EPN1: variants seen among roughly 807,000 people sequenced by gnomAD.
EPN1 encodes epsin-1.
Under a neutral mutation model 56.9 loss-of-function variants are expected in EPN1, and 25 were observed. The ratio of observed to expected loss-of-function variants is 0.44; its 90% CI spans 0.32 to 0.61. The LOEUF is 0.61. EPN1 is among the 20% of genes least tolerant of loss of function. EPN1 has a pLI of 0.05. For missense variants in EPN1, 785 were observed against 823.7 expected (o/e 0.95, Z 0.58); for synonymous variants, 411 against 361.8 (o/e 1.14, Z -1.54).
chr19:55,678,190 A>T (rs770050835), intron 1 of EPN1, among the ~76,000 whole-genome samples: 6 of 152,150 alleles, frequency 3.9e-5, no homozygotes, highest in Non-Finnish European at 8.8e-5. Context: ...ACAGGGCGTC[A>T]GTTCTCTAGA....
rs1468882651 is a variant in EPN1 at position 55,691,681 on chromosome 19, G to A, written c.763-73G>A. The A allele has an allele frequency of 2.4e-5, 34 of 1,430,130 alleles. No individual in the cohort carries two copies. Among genetic ancestry groups the A allele is most frequent in the South Asian group, 4.9e-5 (4 of 81,168 alleles). 88.6% of individuals were successfully genotyped at this position (1,430,130 alleles called of 1,614,324 possible). A position where few individuals can be genotyped will look rare whatever the true frequency, so the allele number is the denominator to read the frequency against. On this transcript the variant is annotated intron_variant, in intron 6 of 10. Transcript: ENST00000270460. This position sits in a 1 kb window ranked among gnomAD's most constrained non-coding sequence, Gnocchi z 5.6. ...AGGGCCTGGCCGCCTCCCCCGCCACGGGCCCCAGCTTGGTCCCTGTCCCAG... is the reference window on the plus strand; with the variant it reads ...AGGGCCTGGCCGCCTCCCCCGCCACAGGCCCCAGCTTGGTCCCTGTCCCAG...
intron 2 of EPN1, among the ~76,000 whole-genome samples, chr19:55,683,350 C>G (rs998125986): frequency 2.0e-5 from 3 of 152,028 alleles, no homozygotes; most frequent in Non-Finnish European, 1.5e-5. Flanking sequence ...CCACCATGCC[C>G]GGCCTTATTT....
chr19:55,703,256 C>A lies in EPN1; in HGVS notation c.*7900C>A, dbSNP rs1987235132. 1 of 152,074 alleles carries A rather than the reference C, an allele frequency of 6.6e-6. No homozygotes were observed. Among genetic ancestry groups the A allele is most frequent in the Admixed American group, 6.6e-5 (1 of 15,230 alleles). The allele number at this position is 152,074 out of a possible 1,614,324, so 9.4% of individuals were successfully genotyped here. ...TCCGGAGGGGCCTAAGTGGGAAGTGCCCTCAACCAAGGAGATAGCTGCTGT... is the reference window on the plus strand; with the variant it reads ...TCCGGAGGGGCCTAAGTGGGAAGTGACCTCAACCAAGGAGATAGCTGCTGT... On this transcript the variant is annotated 3_prime_UTR_variant, in exon 11 of 11. Coordinates refer to ENST00000270460, the MANE Select transcript of EPN1 (RefSeq NM_001130072.2).
Position 55,682,338 on chromosome 19 carries a change from G to A in EPN1, c.229-3058G>A, listed in dbSNP as rs1168515269. ...TGTTCTTGAGCTTTATATATGTGGA[G>A]TCACACGCGTGGTCTTTTGTGTCTG... On this transcript the variant is annotated intron_variant, in intron 2 of 10. Coordinates refer to ENST00000270460, the MANE Select transcript of EPN1 (RefSeq NM_001130072.2). Among the ~76,000 whole-genome samples, 3 of 152,316 alleles carry A rather than the reference G, an allele frequency of 2.0e-5. No homozygotes were observed. The East Asian group carries it at 5.8e-4, about 29-fold the overall frequency.
rs904999833 is a variant in EPN1 at position 55,691,418 on chromosome 19, C to T, written c.763-336C>T. On this transcript the variant is annotated intron_variant, in intron 6 of 10. Transcript: ENST00000270460. The surrounding 1 kb of genome is among the most constrained non-coding windows in gnomAD (Gnocchi z 5.6). ...GAGGGGAGGGCTTGGCCTCCATCCT[C>T]AGTCAGGGCCGGGCAAGGACCTGGG... Among the ~76,000 whole-genome samples the T allele has an allele frequency of 1.3e-5, 2 of 151,792 alleles. No homozygotes were observed. The highest frequency in any genetic ancestry group is 2.9e-5 in the Non-Finnish European group (2 of 67,934).
rs867938515 is a variant in EPN1 at position 55,694,436 on chromosome 19, G to A, written c.1265-290G>A. 1.7e-4 allele frequency: 63 copies of A among 369,706 alleles called. No homozygotes were observed. The Middle Eastern group carries it at 9.0e-3, about 53-fold the overall frequency. 22.9% of individuals were successfully genotyped at this position (369,706 alleles called of 1,614,324 possible). A position where few individuals can be genotyped will look rare whatever the true frequency, so the allele number is the denominator to read the frequency against. ...CCCCGCGGGCCTATAGACCCTGGAC[G>A]GCCCCACCCTGAAGCAGTTGCTGCC... On this transcript the variant is annotated intron_variant, in intron 9 of 10. Coordinates refer to ENST00000270460, the MANE Select transcript of EPN1 (RefSeq NM_001130072.2). This position sits in a 1 kb window ranked among gnomAD's most constrained non-coding sequence, Gnocchi z 4.2.
Position 55,703,280 on chromosome 19 carries a change from G to C in EPN1, c.*7924G>C, listed in dbSNP as rs1406903416. The C allele has an allele frequency of 6.6e-6, 1 of 151,302 alleles. No individual in the cohort carries two copies. The highest frequency in any genetic ancestry group is 1.9e-4 in the East Asian group (1 of 5,162). The allele number at this position is 151,302 out of a possible 1,614,324, so 9.4% of individuals were successfully genotyped here. ...GCCCTCAACCAAGGAGATAGCTGCT[G>C]TGTGTGTGTGTGTTGTGTGTGGTTG... is the stretch of plus-strand genomic sequence containing the variant. On this transcript the variant is annotated 3_prime_UTR_variant, in exon 11 of 11. Transcript: ENST00000270460.
At chr19:55,686,304 G>C (rs1043441798) in intron 3 of EPN1, among the ~76,000 whole-genome samples, 1 of 152,232 alleles carries the variant, frequency 6.6e-6, no homozygotes, top group Non-Finnish European at 1.5e-5. Context: ...TGTTGGTCGG[G>C]GGCTCACAGC....
intron 2 of EPN1, among the ~76,000 whole-genome samples, chr19:55,682,930 T>C (rs921006377): frequency 1.3e-5 from 2 of 151,028 alleles, no homozygotes; most frequent in African/African-American, 4.9e-5. Context: ...CTAATTTTTG[T>C]ATTTTTAGTA....
In EPN1 at chr19:55,706,136, T is replaced by C; in HGVS notation, c.*10780T>C. 5.0e-6 allele frequency: 1 copy of C among 199,072 alleles called. No individual in the cohort carries two copies. Among genetic ancestry groups the C allele is most frequent in the Non-Finnish European group, 9.7e-6 (1 of 103,008 alleles). The allele number at this position is 199,072 out of a possible 1,614,324, so 12.3% of individuals were successfully genotyped here. ...GCAGGTTTATGAGACTGGAGAACTT[T>C]GATTTCTTCTTCCTCCTCCTCCTCT... On this transcript the variant is annotated 3_prime_UTR_variant, in exon 11 of 11. Coordinates refer to ENST00000270460, the MANE Select transcript of EPN1 (RefSeq NM_001130072.2).
In EPN1 at chr19:55,699,686, G is replaced by C. The variant is rs1395823857; in HGVS notation, c.*4330G>C. Reference sequence around the variant, plus strand: ...ACTATCTGGCTCTTCAACAAAAAGTGTGCTGACCCCCGGTGATTGCTTGTA... The same window carrying C: ...ACTATCTGGCTCTTCAACAAAAAGTCTGCTGACCCCCGGTGATTGCTTGTA... On this transcript the variant is annotated 3_prime_UTR_variant, in exon 11 of 11. Transcript: ENST00000270460. The C allele has an allele frequency of 6.6e-6, 1 of 152,156 alleles. No homozygotes were observed. Among genetic ancestry groups the C allele is most frequent in the Non-Finnish European group, 1.5e-5 (1 of 68,028 alleles). The allele number at this position is 152,156 out of a possible 1,614,324, so 9.4% of individuals were successfully genotyped here. A position where few individuals can be genotyped will look rare whatever the true frequency, so the allele number is the denominator to read the frequency against.
chr19:55,683,815 C>G (rs1033813721), intron 2 of EPN1, among the ~76,000 whole-genome samples: 1 of 152,254 alleles, frequency 6.6e-6, no homozygotes, highest in African/African-American at 2.4e-5. Context: ...GAAAGTGTTT[C>G]ATGATCCGTT....
At chr19:55,681,030 G>A (rs1427708015) in intron 2 of EPN1, among the ~76,000 whole-genome samples, 1 of 152,242 alleles carries the variant, frequency 6.6e-6, no homozygotes. Context: ...GGCCTGCCGA[G>A]GCTCGTGGGG....
chr19:55,695,205 C>A lies in EPN1; in HGVS notation c.1580C>A (p.Thr527Lys). The A allele has an allele frequency of 6.2e-7, 1 of 1,613,594 alleles. No individual in the cohort carries two copies. Among genetic ancestry groups the A allele is most frequent in the Non-Finnish European group, 8.5e-7 (1 of 1,179,840 alleles). ...TNPFQPAPPA[T>K]LTLNQLRLSP... ...CCCTTCCAGCCCGCGCCTCCCGCGA[C>A]GCTCACCCTGAACCAGCTCCGTCTC... The change falls in exon 11 of 11, where the codon ACG (threonine) becomes AAG (lysine). Residue 527 changes from threonine to lysine, a missense_variant. Coordinates refer to ENST00000270460, the MANE Select transcript of EPN1 (RefSeq NM_001130072.2). This position sits in a 1 kb window ranked among gnomAD's most constrained non-coding sequence, Gnocchi z 4.4.
At position 55,702,322 on chromosome 19, in the gene EPN1, T is replaced by TATC. The variant is rs1286472488; in HGVS notation, c.*6967_*6969dup. On this transcript the variant is annotated 3_prime_UTR_variant, in exon 11 of 11. Transcript: ENST00000270460. ...GTTTGTGCTGCTCTGCGCTGCTGCT[T>TATC]ATCTGTGTGTGCTAAAAGGGGAGGG... 10 of 152,284 alleles carry TATC rather than the reference T, an allele frequency of 6.6e-5. No homozygotes were observed. Among genetic ancestry groups the TATC allele is most frequent in the African/African-American group, 1.4e-4 (6 of 41,456 alleles). 9.4% of individuals were successfully genotyped at this position (152,284 alleles called of 1,614,324 possible).
At chr19:55,687,644 T>C (rs1319598652) in intron 3 of EPN1, among the ~76,000 whole-genome samples, 1 of 152,050 alleles carries the variant, frequency 6.6e-6, no homozygotes, top group Non-Finnish European at 1.5e-5. Context: ...CCCTGTGCGC[T>C]GGCCTCACCT....
In EPN1 at chr19:55,697,989, A is replaced by T. The variant is rs1349354269; in HGVS notation, c.*2633A>T. 1 of 151,544 alleles carries T rather than the reference A, an allele frequency of 6.6e-6. No homozygotes were observed. The highest frequency in any genetic ancestry group is 2.4e-5 in the African/African-American group (1 of 41,194). 9.4% of individuals were successfully genotyped at this position (151,544 alleles called of 1,614,324 possible). On this transcript the variant is annotated 3_prime_UTR_variant, in exon 11 of 11. Transcript: ENST00000270460. ...GTACAGGTACCATCAGTGGATGGAAAATCACTAAGAGCAAACCTCAGGGGT... is the reference window on the plus strand; with the variant it reads ...GTACAGGTACCATCAGTGGATGGAATATCACTAAGAGCAAACCTCAGGGGT...
At position 55,690,044 on chromosome 19, in the gene EPN1, T is replaced by A. The variant is rs1986436787; in HGVS notation, c.762+94T>A. On this transcript the variant is annotated intron_variant, in intron 6 of 10. Transcript: ENST00000270460. ...GTGGCCAGGTCCCTGGAGCAGAGAC[T>A]GAAACACAAGGTCCTGGAGCTGGGC... 3 of 1,221,560 alleles carry A rather than the reference T, an allele frequency of 2.5e-6. No homozygotes were observed. In the Admixed American group the frequency reaches 6.8e-5, roughly 28 times the overall value. The allele number at this position is 1,221,560 out of a possible 1,614,324, so 75.7% of individuals were successfully genotyped here. A position where few individuals can be genotyped will look rare whatever the true frequency, so the allele number is the denominator to read the frequency against.
chr19:55,708,775 C>G lies in EPN1; in HGVS notation c.*13419C>G. On this transcript the variant is annotated 3_prime_UTR_variant, in exon 11 of 11. Coordinates refer to ENST00000270460, the MANE Select transcript of EPN1 (RefSeq NM_001130072.2). ...TGAATCACACTCCATAATCATATTG[C>G]TAGAACACTTAGGGAGTACCTCTGA... 1 of 589,702 alleles carries G rather than the reference C, an allele frequency of 1.7e-6. No individual in the cohort carries two copies. Among genetic ancestry groups the G allele is most frequent in the Non-Finnish European group, 2.9e-6 (1 of 340,646 alleles). The allele number at this position is 589,702 out of a possible 1,614,324, so 36.5% of individuals were successfully genotyped here. A position where few individuals can be genotyped will look rare whatever the true frequency, so the allele number is the denominator to read the frequency against.
Sources: allele counts gnomAD v4.1 joint callset (sites outside exome capture counted in the v4.1 genomes callset), GRCh38; gene constraint gnomAD v4.1.1; non-coding constraint Gnocchi (gnomAD v3.1); transcripts MANE v1.5; gene names NCBI Gene and HGNC (gene_info 2026-07-23, HGNC 2026-07-21).